CXCL17: variants seen among roughly 807,000 people sequenced by gnomAD.
The protein encoded by CXCL17 is C-X-C motif chemokine 17.
CXCL17 carries 9 observed loss-of-function variants against 15.5 expected under a neutral mutation model. The ratio of observed to expected loss-of-function variants is 0.58; its 90% CI spans 0.35 to 1.01. The LOEUF (loss-of-function observed/expected upper bound fraction) is 1.01, where lower values mean the gene tolerates loss of function less well. Among genes scored for constraint, CXCL17 ranks in the 50% least tolerant of loss-of-function variants. The probability of loss-of-function intolerance (pLI) is 0.02; values close to 1 mark genes in which losing one functional copy is unlikely to be tolerated. For missense variants in CXCL17, 133 were observed against 138.2 expected (o/e 0.96, Z 0.19); for synonymous variants, 52 against 52.3 (o/e 0.99, Z 0.02).
chr19:42,439,253 C>CAAAAAAAAAAAAA (rs58768697), intron 1 of CXCL17, among the ~76,000 whole-genome samples: 18 of 77,482 alleles, frequency 2.3e-4, no homozygotes, highest in African/African-American at 4.9e-4. Flanking sequence ...GACTCTATCT[C>CAAAAAAAAAAAAA]AAAAAAAAAA....
At chr19:42,429,645 A>G (rs1041112089) in intron 3 of CXCL17, among the ~76,000 whole-genome samples, 3 of 152,136 alleles carry the variant, frequency 2.0e-5, no homozygotes, top group Non-Finnish European at 4.4e-5. Flanking sequence ...AATTTTTATG[A>G]GAGTTTTAAA....
intron 1 of CXCL17, among the ~76,000 whole-genome samples, chr19:42,435,103 C>T (rs547160057): frequency 1.3e-5 from 2 of 151,552 alleles, no homozygotes; most frequent in Admixed American, 1.3e-4. Flanking sequence ...CTCTTGACCC[C>T]AGGAGGCGGA....
intron 3 of CXCL17, among the ~76,000 whole-genome samples, chr19:42,432,184 G>A (rs1283652290): frequency 1.6e-5 from 2 of 123,968 alleles, no homozygotes; most frequent in Non-Finnish European, 3.1e-5. Flanking sequence ...TCACTCTGTC[G>A]CCCAGGCTGG....
chr19:42,435,947 C>T (rs982860928), intron 1 of CXCL17, among the ~76,000 whole-genome samples: 30 of 152,210 alleles, frequency 2.0e-4, no homozygotes, highest in African/African-American at 6.3e-4. Context: ...TTGCCAGAAC[C>T]CAGCTGTGCT....
chr19:42,428,755 A>G lies in CXCL17; in HGVS notation c.*129T>C. The G allele has an allele frequency of 1.4e-6, 1 of 720,992 alleles. No homozygotes were observed. 44.7% of individuals were successfully genotyped at this position (720,992 alleles called of 1,614,324 possible). ...ATGATCTTGAAAAACATGCTTTTTG[A>G]GAGCACTGGAATGATTTAGGGGTGG... is the stretch of plus-strand genomic sequence containing the variant. On this transcript the variant is annotated 3_prime_UTR_variant, in exon 4 of 4. Transcript: ENST00000601181.
In CXCL17 at chr19:42,442,834, G is replaced by GC. The variant is rs1246576847; in HGVS notation, c.-3dup. ...GAGGGAAGAGATTAGAACTTTCATC[G>GC]CAACTGTCGGTGCAGCTGTAAGTTG... is the stretch of plus-strand genomic sequence containing the variant. On this transcript the variant is annotated 5_prime_UTR_variant, in exon 1 of 4. Transcript: ENST00000601181. The GC allele has an allele frequency of 1.9e-6, 3 of 1,611,532 alleles. No homozygotes were observed. Among genetic ancestry groups the GC allele is most frequent in the Admixed American group, 1.7e-5 (1 of 59,974 alleles).
chr19:42,430,506 A>G (rs2040767467), intron 3 of CXCL17, among the ~76,000 whole-genome samples: 1 of 150,732 alleles, frequency 6.6e-6, no homozygotes, highest in East Asian at 2.0e-4. Flanking sequence ...AGGCAGGAGA[A>G]TTGCTTCAAC....
rs1302976740 is a variant in CXCL17 at position 42,440,200 on chromosome 19, AT to A, written c.79+2553del. ...CTTAATGTGTCTGATATTATAAGTAATTTTATAATTAAATAATATTATAATT... is the reference window on the plus strand; with the variant it reads ...CTTAATGTGTCTGATATTATAAGTAATTTATAATTAAATAATATTATAATT... On this transcript the variant is annotated intron_variant, in intron 1 of 3. Coordinates refer to ENST00000601181, the MANE Select transcript of CXCL17 (RefSeq NM_198477.3). 2.0e-5 allele frequency among the ~76,000 whole-genome samples: 3 copies of A among 152,076 alleles called. No individual in the cohort carries two copies. The East Asian group carries it at 5.8e-4, about 29-fold the overall frequency.
chr19:42,438,381 A>AAAAAAAAATAT (rs1555793041), intron 1 of CXCL17, among the ~76,000 whole-genome samples: 3 of 63,852 alleles, frequency 4.7e-5, no homozygotes, highest in African/African-American at 1.5e-4. Flanking sequence ...AAAAAAAAAA[A>AAAAAAAAATAT]ATATATATAT....
chr19:42,430,698 C>G (rs2040770924), intron 3 of CXCL17, among the ~76,000 whole-genome samples: 1 of 151,518 alleles, frequency 6.6e-6, no homozygotes, highest in African/African-American at 2.4e-5. Context: ...ATAATCTTGA[C>G]TTTTATAGTA....
chr19:42,433,862 G>C lies in CXCL17; in HGVS notation c.80-6C>G, dbSNP rs775051637. The C allele has an allele frequency of 1.9e-6, 3 of 1,612,608 alleles. No individual in the cohort carries two copies. The highest frequency in any genetic ancestry group is 2.5e-6 in the Non-Finnish European group (3 of 1,178,936). ...CCTGTGGCCTCTGGCGACCCCTGTC[G>C]GAAGGAAACAGGTCACATCCAGACA... On this transcript the variant is annotated splice_polypyrimidine_tract_variant and splice_region_variant and intron_variant, in intron 1 of 3. Coordinates refer to ENST00000601181, the MANE Select transcript of CXCL17 (RefSeq NM_198477.3).
At chr19:42,442,036 A>G (rs560191952) in intron 1 of CXCL17, among the ~76,000 whole-genome samples, 1 of 152,252 alleles carries the variant, frequency 6.6e-6, no homozygotes, top group Non-Finnish European at 1.5e-5. Flanking sequence ...TCTTCTATAA[A>G]GGTACCATTG....
rs2040740467 is a variant in CXCL17 at position 42,428,552 on chromosome 19, A to C, written c.*332T>G. 1 of 203,306 alleles carries C rather than the reference A, an allele frequency of 4.9e-6. No homozygotes were observed. Among genetic ancestry groups the C allele is most frequent in the Non-Finnish European group, 1.0e-5 (1 of 99,838 alleles). 12.6% of individuals were successfully genotyped at this position (203,306 alleles called of 1,614,324 possible). ...AAACAATTTTGATCTGTGACATTTA[A>C]AAATATTTATTGACTTCTGTTTGCT... On this transcript the variant is annotated 3_prime_UTR_variant, in exon 4 of 4. Transcript: ENST00000601181.
At chr19:42,431,664 G>T (rs962321299) in intron 3 of CXCL17, among the ~76,000 whole-genome samples, 4 of 149,818 alleles carry the variant, frequency 2.7e-5, no homozygotes, top group Non-Finnish European at 5.9e-5. Context: ...AACACATAAT[G>T]ATTTATCTCA....
chr19:42,442,607 G>A, intron 1 of CXCL17, 147 bp downstream of exon 1: 1 of 601,990 alleles, frequency 1.7e-6, no homozygotes, highest in Non-Finnish European at 3.0e-6. Flanking sequence ...ACAGTTTGCT[G>A]TTTTTTTGTA....
intron 3 of CXCL17, among the ~76,000 whole-genome samples, chr19:42,431,060 G>A (rs570963360): frequency 3.3e-5 from 5 of 152,284 alleles, no homozygotes; most frequent in South Asian, 4.1e-4. Flanking sequence ...GGCTGGTCTC[G>A]AACTCCTGAC....
intron 3 of CXCL17, 112 bp from the exon 4 acceptor site, chr19:42,429,093 T>A: frequency 1.3e-6 from 1 of 773,490 alleles, no homozygotes; most frequent in Non-Finnish European, 2.2e-6. Context: ...AGTGGCAGGA[T>A]CTCAACTCAC....
At chr19:42,437,718 T>G (rs1462189144) in intron 1 of CXCL17, among the ~76,000 whole-genome samples, 1 of 152,238 alleles carries the variant, frequency 6.6e-6, no homozygotes, top group Non-Finnish European at 1.5e-5. Context: ...ATTGGGCTTG[T>G]GGCTTTCTGC....
intron 1 of CXCL17, among the ~76,000 whole-genome samples, chr19:42,438,354 CAAAA>C (rs34157586): frequency 2.9e-4 from 5 of 17,464 alleles, no homozygotes; most frequent in African/African-American, 1.7e-3. Flanking sequence ...GACTCTGTCT[CAAAA>C]AAAAAAAAAA....
Sources: allele counts gnomAD v4.1 joint callset (sites outside exome capture counted in the v4.1 genomes callset), GRCh38; gene constraint gnomAD v4.1.1; transcripts MANE v1.5; gene names NCBI Gene and HGNC (gene_info 2026-07-23, HGNC 2026-07-21).